ACOT1: variants seen among roughly 807,000 people sequenced by gnomAD.
ACOT1 encodes the protein acyl-coenzyme A thioesterase 1.
In ACOT1, 8 loss-of-function variants were observed where a neutral mutation model predicts 15.7. That is an observed-to-expected ratio of 0.51 (90% CI 0.30 to 0.92). ACOT1 has a LOEUF of 0.92. Ranked by LOEUF, ACOT1 falls within the 40% of genes least tolerant of loss-of-function variation. The pLI is 0.06. For missense variants in ACOT1, 151 were observed against 539.4 expected (o/e 0.28, Z 7.13); for synonymous variants, 67 against 241.2 (o/e 0.28, Z 6.69).
the ACOT1 span, among the ~76,000 whole-genome samples, chr14:73,507,333 T>A: frequency 6.6e-6 from 1 of 152,212 alleles, no homozygotes; most frequent in Non-Finnish European, 1.5e-5. Flanking sequence ...GTGACTTCCC[T>A]TTGTATACAC....
chr14:73,506,688 G>C, the ACOT1 span: 1 of 679,844 alleles, frequency 1.5e-6, no homozygotes. Flanking sequence ...GGGCTTACAA[G>C]AGATGGGGCA....
chr14:73,518,187 A>G, the ACOT1 span, among the ~76,000 whole-genome samples: 1 of 152,160 alleles, frequency 6.6e-6, no homozygotes, highest in Non-Finnish European at 1.5e-5. Context: ...CCAAGGATAG[A>G]CTGAGCCCAG....
At chr14:73,521,471 A>G in the ACOT1 span, among the ~76,000 whole-genome samples, 3 of 152,200 alleles carry the variant, frequency 2.0e-5, no homozygotes, top group Non-Finnish European at 4.4e-5. Flanking sequence ...TTAAAGGTAC[A>G]TATCTGTGTC....
In ACOT1 at chr14:73,539,266, GT is replaced by G. The variant is rs1263274696; in HGVS notation, c.457+1390del. The G allele has an allele frequency of 2.6e-5, 3 of 115,148 alleles. 1 individual carries two copies. The highest frequency in any genetic ancestry group is 5.7e-5 in the African/African-American group (2 of 35,312). The allele number at this position is 115,148 out of a possible 1,614,324, so 7.1% of individuals were successfully genotyped here. On this transcript the variant is annotated intron_variant, in intron 1 of 2. Coordinates refer to ENST00000311148, the MANE Select transcript of ACOT1 (RefSeq NM_001037161.2). The stretch of plus-strand genomic sequence containing the variant: ...GCTGGCTGGCTATGATCTCCGTCCT[GT>G]TACCATTCCAGGAGAGCAGCCACCT...
At chr14:73,506,468 A>T in the ACOT1 span, 4 of 1,612,458 alleles carry the variant, frequency 2.5e-6, no homozygotes, top group Admixed American at 6.7e-5. Context: ...GAGGTTTACC[A>T]AGCAGACATT....
chr14:73,509,503 A>C, the ACOT1 span: 1 of 1,608,728 alleles, frequency 6.2e-7, no homozygotes, highest in African/African-American at 1.3e-5. Context: ...GTAAGAGAGT[A>C]CTAGCCCCTT....
chr14:73,496,649 G>A, the ACOT1 span: 2 of 1,595,552 alleles, frequency 1.3e-6, no homozygotes, highest in Admixed American at 1.7e-5. Flanking sequence ...CATTTCCTAA[G>A]TTGAGTATCT....
At chr14:73,530,794 ATTTTTTTTTT>A in the ACOT1 span, among the ~76,000 whole-genome samples, 90 of 57,664 alleles carry the variant, frequency 1.6e-3, 1 homozygote, top group African/African-American at 5.1e-3. Context: ...TCTCGGTTAA[ATTTTTTTTTT>A]TTTTTTTTTT....
chr14:73,490,935 A>T, the ACOT1 span: 275 of 1,266,136 alleles, frequency 2.2e-4, no homozygotes, highest in Middle Eastern at 5.5e-3. Context: ...CCCTTCCCAG[A>T]GTGCACCGCA....
At chr14:73,498,021 G>T in the ACOT1 span, 1 of 734,472 alleles carries the variant, frequency 1.4e-6, no homozygotes, top group Non-Finnish European at 2.2e-6. Flanking sequence ...ACTTGGGTGA[G>T]TGGTGAATGT....
chr14:73,524,323 A>ATATATATATATATATATATATATG, the ACOT1 span, among the ~76,000 whole-genome samples: 1 of 129,642 alleles, frequency 7.7e-6, no homozygotes, highest in African/African-American at 3.3e-5. Flanking sequence ...ATATATATAT[A>ATATATATATATATATATATATATG]TATATATATA....
chr14:73,509,237 G>A, the ACOT1 span: 1 of 1,400,016 alleles, frequency 7.1e-7, no homozygotes, highest in Admixed American at 1.7e-5. Flanking sequence ...ACAGTGGAGA[G>A]GAAAGGACTG....
At chr14:73,491,952 T>G in the ACOT1 span, 3 of 1,613,920 alleles carry the variant, frequency 1.9e-6, no homozygotes, top group Non-Finnish European at 1.7e-6. Context: ...TGGCAGTTTT[T>G]GGCTGTGCTT....
the ACOT1 span, chr14:73,491,288 G>A: frequency 1.3e-6 from 2 of 1,550,606 alleles, no homozygotes; most frequent in East Asian, 2.4e-5. Context: ...CGTCCCGGAC[G>A]CAGCCCGGCG....
the ACOT1 span, chr14:73,498,189 C>T: frequency 7.7e-5 from 124 of 1,613,518 alleles, no homozygotes; most frequent in African/African-American, 1.0e-3. Context: ...AGGAGCAGCA[C>T]GTCTAGGAAG....
chr14:73,524,320 T>TAC, the ACOT1 span, among the ~76,000 whole-genome samples: 1 of 126,250 alleles, frequency 7.9e-6, no homozygotes, highest in Non-Finnish European at 1.6e-5. Context: ...AATATATATA[T>TAC]ATATATATAT....
At chr14:73,522,457 C>T in the ACOT1 span, 7 of 1,614,130 alleles carry the variant, frequency 4.3e-6, no homozygotes, top group African/African-American at 5.3e-5. Context: ...AGCTCTGCCA[C>T]TTGTTGGGGG....
chr14:73,522,619 T>C, the ACOT1 span: 1 of 1,614,176 alleles, frequency 6.2e-7, no homozygotes, highest in South Asian at 1.1e-5. Context: ...CTAGAGAAGG[T>C]GGCCGACCCA....
At chr14:73,517,446 G>A in the ACOT1 span, 1 of 152,338 alleles carries the variant, frequency 6.6e-6, no homozygotes, top group Non-Finnish European at 1.5e-5. Context: ...GGAGTCTGAA[G>A]AGGGTGCATC....
Sources: gnomAD v4.1 joint callset for allele counts (sites outside exome capture counted in the v4.1 genomes callset) on GRCh38, gnomAD v4.1.1 for gene constraint, MANE v1.5 for transcripts, NCBI Gene and HGNC (gene_info 2026-07-23, HGNC 2026-07-21) for gene names.